The following SBNO2 variants were observed in gnomAD, a reference collection of about 807,000 sequenced individuals.
SBNO2 encodes protein strawberry notch homolog 2.
SBNO2 carries 89 observed loss-of-function variants against 146.3 expected under a neutral mutation model. That is an observed-to-expected ratio of 0.61 (90% confidence interval 0.51 to 0.73). The LOEUF is 0.73. SBNO2 is among the 30% of genes least tolerant of loss of function. The probability of loss-of-function intolerance (pLI) is 0.00; values close to 1 mark genes in which losing one functional copy is unlikely to be tolerated. For missense variants in SBNO2, 2,092 were observed against 2,003.7 expected (o/e 1.04, Z -0.84); for synonymous variants, 1,147 against 892.6 (o/e 1.29, Z -5.08).
Position 1,109,153 on chromosome 19 carries a change from T to G in SBNO2, c.3407A>C (p.His1136Pro), listed in dbSNP as rs1439044922. ...WESGYALSLTHCSHSAWNRHC... is the reference protein window; with the variant it reads ...WESGYALSLTPCSHSAWNRHC... ...CCCTCACCAGGCGCTGTGGCTGCAGTGCGTCAGCGACAAAGCGTAGCCACT... is the reference window on the plus strand; with the variant it reads ...CCCTCACCAGGCGCTGTGGCTGCAGGGCGTCAGCGACAAAGCGTAGCCACT... The change falls in exon 30 of 32, where the codon CAC becomes CCC. Residue 1136 changes from histidine to proline, a missense_variant. By Grantham distance (77) the His-to-Pro change is moderately conservative. Transcript: ENST00000361757. The surrounding 1 kb of genome is among the most constrained non-coding windows in gnomAD (Gnocchi z 4.2). The G allele has an allele frequency of 6.4e-7, 1 of 1,555,070 alleles. No individual in the cohort carries two copies.
rs1019237962 is a variant in SBNO2 at position 1,150,523 on chromosome 19, C to T, written c.94-1081G>A. ...GGGAGACCCTGCCGTCACGGACGCC[C>T]CCACGGTCACGGGGGAGACCCTGCC... On this transcript the variant is annotated intron_variant, in intron 2 of 31. Transcript: ENST00000361757. This position sits in a 1 kb window ranked among gnomAD's most constrained non-coding sequence, Gnocchi z 6.2. Among the ~76,000 whole-genome samples the T allele has an allele frequency of 1.3e-5, 2 of 152,082 alleles. No homozygotes were observed. The highest frequency in any genetic ancestry group is 4.8e-5 in the African/African-American group (2 of 41,422).
intron 4 of SBNO2, among the ~76,000 whole-genome samples, chr19:1,137,203 T>TC (rs1223895250): frequency 1.4e-4 from 12 of 88,604 alleles, no homozygotes; most frequent in African/African-American, 4.1e-4. Flanking sequence ...TGGGGGAGGC[T>TC]GGCACTGGGG....
At chr19:1,129,148 T>C (rs1599847306) in intron 4 of SBNO2, among the ~76,000 whole-genome samples, 1 of 152,190 alleles carries the variant, frequency 6.6e-6, no homozygotes, top group East Asian at 1.9e-4. Flanking sequence ...GTGCCTGTAA[T>C]CCTAGCTACT....
rs1430709630 is a variant in SBNO2 at position 1,111,580 on chromosome 19, G to C, written c.2735C>G (p.Thr912Ser). The change falls in exon 24 of 32, where the codon ACC (threonine) becomes AGC (serine). Residue 912 changes from threonine (T) to serine (S), a missense_variant. By Grantham distance (58) the Thr-to-Ser change is moderately conservative. Transcript: ENST00000361757. ...GTRALHCVLT[T>S]ILSQTENKVP... ...TTTGTTCTCAGTCTGGCTCAGGATG[G>C]TGGTGAGGACACAGTGCAGGGCCCG... The C allele has an allele frequency of 1.3e-6, 2 of 1,596,080 alleles. No individual in the cohort carries two copies. The highest frequency in any genetic ancestry group is 2.7e-5 in the African/African-American group (2 of 74,538).
intron 11 of SBNO2, among the ~76,000 whole-genome samples, chr19:1,120,520 C>T (rs1301408659): frequency 1.3e-5 from 2 of 152,254 alleles, no homozygotes; most frequent in Middle Eastern, 3.4e-3. Context: ...GTGTGTGCCA[C>T]CACCACAACC....
intron 11 of SBNO2, 104 bp downstream of exon 11, chr19:1,122,035 T>A: frequency 1.1e-5 from 4 of 379,136 alleles, no homozygotes; most frequent in Non-Finnish European, 1.4e-5. Flanking sequence ...CATCCTGCCC[T>A]CCTCTCCCCT....
chr19:1,154,981 G>A (rs1311074233), intron 1 of SBNO2: 1 of 152,084 alleles, frequency 6.6e-6, no homozygotes, highest in Non-Finnish European at 1.5e-5. Context: ...CTGGGCTACA[G>A]AGCCGAGCCC....
chr19:1,115,251 A>C (rs1249750847), intron 17 of SBNO2: 1 of 142,974 alleles, frequency 7.0e-6, no homozygotes. Context: ...ATTTTTATTA[A>C]TTTTTTTGAG....
intron 12 of SBNO2, 63 bp downstream of exon 12, chr19:1,119,843 C>A: frequency 7.7e-7 from 1 of 1,301,052 alleles, no homozygotes; most frequent in Non-Finnish European, 1.1e-6. Flanking sequence ...TACCCCTTCG[C>A]GGGGACAGCC....
intron 1 of SBNO2, among the ~76,000 whole-genome samples, chr19:1,171,691 C>T (rs1167643112): frequency 3.3e-5 from 5 of 151,872 alleles, no homozygotes; most frequent in African/African-American, 7.3e-5. Context: ...CCGCTGGAGC[C>T]GGGTTGGGCC....
In SBNO2 at chr19:1,150,227, C is replaced by T. The variant is rs920474103; in HGVS notation, c.94-785G>A. Among the ~76,000 whole-genome samples the T allele has an allele frequency of 2.6e-5, 4 of 152,146 alleles. No homozygotes were observed. Among genetic ancestry groups the T allele is most frequent in the Non-Finnish European group, 4.4e-5 (3 of 67,998 alleles). ...CTATGCCTGCCCTTGGGAATGAGAG[C>T]GGCTTGAGGCACACGGCAGGCCCCA... On this transcript the variant is annotated intron_variant, in intron 2 of 31. Coordinates refer to ENST00000361757, the MANE Select transcript of SBNO2 (RefSeq NM_014963.3). The surrounding 1 kb of genome is among the most constrained non-coding windows in gnomAD (Gnocchi z 6.2).
chr19:1,160,945 C>T (rs1215619890), intron 1 of SBNO2, among the ~76,000 whole-genome samples: 1 of 150,798 alleles, frequency 6.6e-6, no homozygotes, highest in Non-Finnish European at 1.5e-5. Context: ...CTGGACGGCC[C>T]CTCCCAGGGT....
chr19:1,167,449 C>A (rs1319180376), intron 1 of SBNO2, among the ~76,000 whole-genome samples: 2 of 152,200 alleles, frequency 1.3e-5, no homozygotes, highest in African/African-American at 2.4e-5. Flanking sequence ...CTGAGCTCGG[C>A]CGGGGGCGGG....
intron 3 of SBNO2, among the ~76,000 whole-genome samples, chr19:1,148,351 C>T (rs1402194992): frequency 1.3e-5 from 2 of 152,018 alleles, no homozygotes; most frequent in Non-Finnish European, 2.9e-5. Flanking sequence ...TCTCCCAAGG[C>T]TCTGGCTATA....
At chr19:1,130,380 T>C (rs2080014875) in intron 4 of SBNO2, among the ~76,000 whole-genome samples, 1 of 152,134 alleles carries the variant, frequency 6.6e-6, no homozygotes, top group Admixed American at 6.5e-5. Context: ...TCACGTCTGC[T>C]ACTCAGGAGG....
rs546924218 is a variant in SBNO2 at position 1,112,921 on chromosome 19, G to A, written c.2276C>T (p.Ser759Phe). ...GAAGGCCACCGTCCCGTCGGGCCTG[G>A]ACACCACGCGGCCTTTCCTGCCGGT... ...EMTGRKGRVVSRPDGTVAFES... is the reference protein window; with the variant it reads ...EMTGRKGRVVFRPDGTVAFES... Residue 759 changes from serine to phenylalanine, a missense_variant, in exon 20 of 32, where the codon TCC becomes TTC. Physicochemically the swap from Ser to Phe is radical, Grantham distance 155 (BLOSUM62 -2). Transcript: ENST00000361757. This position sits in a 1 kb window ranked among gnomAD's most constrained non-coding sequence, Gnocchi z 5.9. 3 of 1,567,076 alleles carry A rather than the reference G, an allele frequency of 1.9e-6. No homozygotes were observed. The African/African-American group carries it at 4.1e-5, about 21-fold the overall frequency.
Position 1,140,480 on chromosome 19 carries a change from G to A in SBNO2, c.279+6829C>T, listed in dbSNP as rs1309424722. On this transcript the variant is annotated intron_variant, in intron 4 of 31. Coordinates refer to ENST00000361757, the MANE Select transcript of SBNO2 (RefSeq NM_014963.3). The surrounding 1 kb of genome is among the most constrained non-coding windows in gnomAD (Gnocchi z 4.4). ...CGGAAGGCTGAGCAGAAGTGAGGGG[G>A]GCCCTTCCTCCGGGCCAGGGTGGCT... Among the ~76,000 whole-genome samples, 1 of 152,122 alleles carries A rather than the reference G, an allele frequency of 6.6e-6. No homozygotes were observed. Among genetic ancestry groups the A allele is most frequent in the Non-Finnish European group, 1.5e-5 (1 of 68,006 alleles).
rs1265288554 is a variant in SBNO2, at chr19:1,174,266, C to G, written c.-221G>C. 1 of 151,708 alleles carries G rather than the reference C, an allele frequency of 6.6e-6. No individual in the cohort carries two copies. The highest frequency in any genetic ancestry group is 2.1e-4 in the South Asian group (1 of 4,796). The allele number at this position is 151,708 out of a possible 1,614,324, so 9.4% of individuals were successfully genotyped here. On this transcript the variant is annotated 5_prime_UTR_variant, in exon 1 of 32. Transcript: ENST00000361757. ...CTCACTTCCGGGTTTCGGGCGCCAT[C>G]TTGGGGGCCCCGCGCACTTCCGGTC...
intron 17 of SBNO2, chr19:1,115,767 C>T (rs2079823318): frequency 3.5e-6 from 2 of 565,492 alleles, no homozygotes; most frequent in Admixed American, 3.2e-5. Context: ...CGTGTCCCGC[C>T]CCCCGGGTCT....
Sources: allele counts gnomAD v4.1 joint callset (sites outside exome capture counted in the v4.1 genomes callset), GRCh38; gene constraint gnomAD v4.1.1; non-coding constraint Gnocchi (gnomAD v3.1); transcripts MANE v1.5; gene names NCBI Gene and HGNC (gene_info 2026-07-23, HGNC 2026-07-21).